COBLL1: variants seen among roughly 807,000 people sequenced by gnomAD.
The protein encoded by COBLL1 is cordon-bleu protein-like 1.
In COBLL1, 50 loss-of-function variants were observed where a neutral mutation model predicts 94.8. The observed-to-expected ratio is 0.53, with a 90% CI of 0.42 to 0.67. The LOEUF is 0.67. Ranked by LOEUF, COBLL1 falls within the 30% of genes least tolerant of loss-of-function variation. The pLI, the probability that COBLL1 is intolerant of heterozygous loss-of-function variation, is 0.00. For missense variants in COBLL1, 1,362 were observed against 1,348.7 expected (o/e 1.01, Z -0.15); for synonymous variants, 448 against 473.8 (o/e 0.95, Z 0.71).
intron 2 of COBLL1, among the ~76,000 whole-genome samples, chr2:164,806,828 T>G (rs949439874): frequency 4.6e-5 from 7 of 152,072 alleles, no homozygotes; most frequent in Non-Finnish European, 7.4e-5. Context: ...GCCTCCTGAG[T>G]AGCAGGGTCT....
intron 3 of COBLL1, among the ~76,000 whole-genome samples, chr2:164,738,025 G>A (rs1194286867): frequency 6.6e-6 from 1 of 152,200 alleles, no homozygotes; most frequent in Non-Finnish European, 1.5e-5. Flanking sequence ...GTAACTTCTA[G>A]TTGGGACTTC....
At chr2:164,686,368 C>G (rs544372076) in intron 13 of COBLL1, among the ~76,000 whole-genome samples, 4 of 152,208 alleles carry the variant, frequency 2.6e-5, no homozygotes, top group African/African-American at 9.6e-5. Flanking sequence ...AATTCTGGCT[C>G]CCCAAAACTG....
chr2:164,762,363 G>C (rs898608381), intron 2 of COBLL1, among the ~76,000 whole-genome samples: 1 of 152,178 alleles, frequency 6.6e-6, no homozygotes, highest in East Asian at 1.9e-4. Flanking sequence ...TACTTTCAAT[G>C]TAAGTTTGGC....
chr2:164,793,124 T>G (rs1683273566), intron 2 of COBLL1, among the ~76,000 whole-genome samples: 1 of 152,148 alleles, frequency 6.6e-6, no homozygotes, highest in African/African-American at 2.4e-5. Context: ...GAAACTTAAA[T>G]TCATGCTATG....
At chr2:164,700,352 AC>A (rs1684185253) in intron 10 of COBLL1, among the ~76,000 whole-genome samples, 169 bp downstream of exon 10, 1 of 152,200 alleles carries the variant, frequency 6.6e-6, no homozygotes, top group Non-Finnish European at 1.5e-5. Context: ...GAATGTAATT[AC>A]ATGCAAATAA....
intron 7 of COBLL1, among the ~76,000 whole-genome samples, chr2:164,706,803 T>C (rs1684625602): frequency 6.6e-6 from 1 of 152,190 alleles, no homozygotes; most frequent in Non-Finnish European, 1.5e-5. Flanking sequence ...TGTTTCCCTA[T>C]AGTCCTTCAA....
intron 3 of COBLL1, among the ~76,000 whole-genome samples, chr2:164,738,734 T>G (rs1175755990): frequency 1.3e-5 from 2 of 152,192 alleles, no homozygotes; most frequent in African/African-American, 2.4e-5. Flanking sequence ...TTTTTTCAGA[T>G]TTTGAAGTAT....
intron 12 of COBLL1, 67 bp from the exon 13 acceptor site, chr2:164,692,464 A>G: frequency 4.0e-6 from 5 of 1,238,664 alleles, no homozygotes; most frequent in Non-Finnish European, 5.7e-6. Context: ...TTTGCAAAAC[A>G]TTTTCATCAT....
rs372953085 is a variant in COBLL1 at position 164,730,035 on chromosome 2, G to A, written c.311C>T (p.Ser104Leu). The change falls in exon 4 of 14, where the codon TCA (serine) becomes TTA (leucine). Residue 104 changes from serine (S) to leucine (L), a missense_variant. Ser to Leu is a moderately radical substitution (Grantham distance 145, BLOSUM62 -2). Coordinates refer to ENST00000652658, the MANE Select transcript of COBLL1 (RefSeq NM_001365672.2). ...AAATTTAATGTGGTTCTGTTCAGCT[G>A]ACAACAGATCGATTGTGTAACTTGA... ...NPSSYTIDLL[S>L]AEQNHIKFKP... is the part of the protein sequence containing the mutation. 8.6e-5 allele frequency: 138 copies of A among 1,613,742 alleles called. No homozygotes were observed. Among genetic ancestry groups the A allele is most frequent in the Non-Finnish European group, 9.2e-5 (108 of 1,179,844 alleles).
chr2:164,702,230 A>G (rs1684319894), intron 9 of COBLL1, among the ~76,000 whole-genome samples: 1 of 152,140 alleles, frequency 6.6e-6, no homozygotes. Flanking sequence ...TGTCTACGAT[A>G]GCATATTGTA....
chr2:164,777,474 T>G (rs1688523322), intron 2 of COBLL1, among the ~76,000 whole-genome samples: 1 of 152,036 alleles, frequency 6.6e-6, no homozygotes, highest in African/African-American at 2.4e-5. Flanking sequence ...TCCTGAAACG[T>G]TTTGTATATG....
Position 164,692,256 on chromosome 2 carries a change from T to C in COBLL1, c.3265A>G (p.Ile1089Val), listed in dbSNP as rs145936649. 1.5e-5 allele frequency: 24 copies of C among 1,612,488 alleles called. No homozygotes were observed. Among genetic ancestry groups the C allele is most frequent in the African/African-American group, 1.2e-4 (9 of 74,818 alleles). ...EQMRQSLLTAIRSGEAAAKLK... is the reference protein window; with the variant it reads ...EQMRQSLLTAVRSGEAAAKLK... ...TTGGCAGCAGCCTCTCCCGAACGGATTGCAGTCAGCAAACTCTGTCGCATC... is the reference window on the plus strand; with the variant it reads ...TTGGCAGCAGCCTCTCCCGAACGGACTGCAGTCAGCAAACTCTGTCGCATC... Residue 1089 changes from isoleucine (I) to valine (V), a missense_variant, in exon 13 of 14, where the codon ATC becomes GTC. By Grantham distance (29) the Ile-to-Val change is conservative (BLOSUM62 3). Transcript: ENST00000652658.
chr2:164,693,100 GCCAAATACGTATCTTTA>G (rs1683704645), intron 12 of COBLL1, among the ~76,000 whole-genome samples: 1 of 152,030 alleles, frequency 6.6e-6, no homozygotes, highest in South Asian at 2.1e-4. Flanking sequence ...TTTTCAAACT[GCCAAATACGTATCTTTA>G]CCAAAAAATG....
upstream of COBLL1, chr2:164,841,950 C>CA: frequency 3.3e-6 from 5 of 1,536,006 alleles, no homozygotes; most frequent in East Asian, 2.5e-5. The surrounding 1 kb of genome is among the most constrained non-coding windows in gnomAD (Gnocchi z 5.5). Flanking sequence ...CCCGCTCTCT[C>CA]ACTCACCCTG....
chr2:164,692,574 A>G (rs1683675532), intron 12 of COBLL1, 177 bp from the exon 13 acceptor site: 1 of 554,488 alleles, frequency 1.8e-6, no homozygotes, highest in Non-Finnish European at 3.2e-6. Flanking sequence ...GCTAAGCTGG[A>G]AGATGAGGGC....
chr2:164,833,040 T>A (rs569809830), intron 2 of COBLL1, among the ~76,000 whole-genome samples: 1 of 148,084 alleles, frequency 6.8e-6, no homozygotes, highest in South Asian at 2.2e-4. Flanking sequence ...TGAAACTCCA[T>A]CTCAAAAACA....
chr2:164,668,945 C>T (rs1190132279), intron 1 of COBLL1, among the ~76,000 whole-genome samples: 3 of 152,130 alleles, frequency 2.0e-5, no homozygotes, highest in East Asian at 1.9e-4. Flanking sequence ...GTGGTATGAA[C>T]GGTATGAACA....
At chr2:164,750,144 A>T (rs939870554) in intron 2 of COBLL1, among the ~76,000 whole-genome samples, 1 of 152,172 alleles carries the variant, frequency 6.6e-6, no homozygotes, top group Non-Finnish European at 1.5e-5. Context: ...TCAAATTTAC[A>T]TCTCCAACCT....
intron 4 of COBLL1, among the ~76,000 whole-genome samples, chr2:164,728,457 A>C (rs1685825184): frequency 6.6e-6 from 1 of 152,062 alleles, no homozygotes; most frequent in Non-Finnish European, 1.5e-5. Flanking sequence ...ACCCTAAAAA[A>C]CTAGCCTCAT....
Sources: gnomAD v4.1 joint callset for allele counts (sites outside exome capture counted in the v4.1 genomes callset) on GRCh38, gnomAD v4.1.1 for gene constraint, Gnocchi (gnomAD v3.1) non-coding constraint, MANE v1.5 for transcripts, NCBI Gene and HGNC (gene_info 2026-07-23, HGNC 2026-07-21) for gene names.